CADPS2: variants seen among roughly 807,000 people sequenced by gnomAD.
CADPS2 encodes calcium dependent secretion activator 2, also known as calcium-dependent secretion activator 2.
CADPS2 carries 93 observed loss-of-function variants against 172.5 expected under a neutral mutation model. The observed-to-expected ratio is 0.54, with a 90% CI of 0.46 to 0.64. CADPS2 has a LOEUF of 0.64. CADPS2 is among the 30% of genes least tolerant of loss of function. The probability of loss-of-function intolerance (pLI) is 0.00; values close to 1 mark genes in which losing one functional copy is unlikely to be tolerated. For synonymous variants in CADPS2, 546 were observed against 555.2 expected, an observed-to-expected ratio of 0.98 and a Z score of 0.23; for missense variants, 1,420 against 1,565.9, an observed-to-expected ratio of 0.91 and a Z score of 1.57.
intron 3 of CADPS2, among the ~76,000 whole-genome samples, chr7:122,633,601 GTCTT>G (rs568436554): frequency 5.3e-4 from 81 of 152,262 alleles, no homozygotes; most frequent in African/African-American, 1.8e-3. Flanking sequence ...TTTTGGCAGA[GTCTT>G]TAGGGGTTTT....
intron 20 of CADPS2, among the ~76,000 whole-genome samples, chr7:122,398,780 C>T (rs1215522153): frequency 6.7e-6 from 1 of 149,838 alleles, no homozygotes; most frequent in East Asian, 2.0e-4. Flanking sequence ...GCCCTCCCCA[C>T]CCCTCACCCC....
intron 17 of CADPS2, among the ~76,000 whole-genome samples, chr7:122,427,910 GCTCTAT>G (rs1281030769): frequency 1.3e-5 from 2 of 152,228 alleles, no homozygotes; most frequent in African/African-American, 2.4e-5. Flanking sequence ...TCATGGAATA[GCTCTAT>G]CTCTATCTAG....
rs1041660839 is a variant in CADPS2 at position 122,541,807 on chromosome 7, TTATA to T, written c.1475+12739_1475+12742del. Among the ~76,000 whole-genome samples, 229 of 70,736 alleles carry T rather than the reference TTATA, an allele frequency of 3.2e-3. 2 individuals carry two copies. The highest frequency in any genetic ancestry group is 5.6e-3 in the Middle Eastern group (1 of 178). The allele number at this position is 70,736 out of a possible 152,430, so 46.4% of individuals were successfully genotyped here. On this transcript the variant is annotated intron_variant, in intron 8 of 29. Transcript: ENST00000449022. ...CATATATTTATATATTCATATATAT[TTATA>T]TATTCATATGTTTATATATTCATAT...
chr7:122,788,286 A>G (rs1794515021), intron 1 of CADPS2, among the ~76,000 whole-genome samples: 1 of 152,228 alleles, frequency 6.6e-6, no homozygotes, highest in South Asian at 2.1e-4. Context: ...TATAGTACTC[A>G]GAATGAAGCA....
At chr7:122,468,260 A>C (rs567005633) in intron 14 of CADPS2, among the ~76,000 whole-genome samples, 10 of 152,212 alleles carry the variant, frequency 6.6e-5, no homozygotes, top group Admixed American at 1.3e-4. Flanking sequence ...TGACAGATGT[A>C]AAAATGATCA....
chr7:122,861,938 T>C (rs992203544), intron 1 of CADPS2, among the ~76,000 whole-genome samples: 5 of 152,350 alleles, frequency 3.3e-5, no homozygotes, highest in South Asian at 2.1e-4. Flanking sequence ...GATTTCAACC[T>C]GGAATTCTAT....
At chr7:122,464,635 T>C (rs750912955) in intron 14 of CADPS2, among the ~76,000 whole-genome samples, 18 of 152,142 alleles carry the variant, frequency 1.2e-4, no homozygotes, top group Non-Finnish European at 2.2e-4. Flanking sequence ...GGGTATTTCA[T>C]CTCTTTACAA....
At chr7:122,342,024 C>G (rs1274983910) in intron 28 of CADPS2, among the ~76,000 whole-genome samples, 1 of 152,102 alleles carries the variant, frequency 6.6e-6, no homozygotes, top group Non-Finnish European at 1.5e-5. Context: ...AATGCCTTCA[C>G]ATTTGTCCTA....
intron 2 of CADPS2, among the ~76,000 whole-genome samples, chr7:122,674,796 G>A (rs187262083): frequency 7.4e-4 from 112 of 152,308 alleles, no homozygotes; most frequent in South Asian, 1.9e-3. Context: ...TCAGCAAAAC[G>A]CTGAGAAAAG....
intron 1 of CADPS2, among the ~76,000 whole-genome samples, chr7:122,876,308 A>G (rs1332702819): frequency 6.6e-6 from 1 of 152,246 alleles, no homozygotes; most frequent in Non-Finnish European, 1.5e-5. Context: ...CCACAGAGCA[A>G]GACTTTGTGT....
intron 2 of CADPS2, chr7:122,697,772 C>T (rs763332532): frequency 1.1e-5 from 17 of 1,549,656 alleles, no homozygotes; most frequent in Non-Finnish European, 1.4e-5. Context: ...AATACACTTC[C>T]TCAAAAGTCA....
intron 1 of CADPS2, among the ~76,000 whole-genome samples, chr7:122,777,212 A>G (rs2093911586): frequency 6.6e-6 from 1 of 152,168 alleles, no homozygotes; most frequent in African/African-American, 2.4e-5. Context: ...TAAGTAAAAT[A>G]GCTTATTTCT....
intron 14 of CADPS2, among the ~76,000 whole-genome samples, chr7:122,451,789 T>C (rs2053155016): frequency 6.6e-6 from 1 of 152,090 alleles, no homozygotes; most frequent in Non-Finnish European, 1.5e-5. Context: ...TACCAAACAT[T>C]TGACCAACTA....
At chr7:122,737,182 G>A in intron 1 of CADPS2, 114 bp from the exon 2 acceptor site, 1 of 602,160 alleles carries the variant, frequency 1.7e-6, no homozygotes, top group East Asian at 2.9e-5. Flanking sequence ...TAACTTTATA[G>A]TAAAGAAAAA....
intron 27 of CADPS2, chr7:122,354,170 A>G (rs2151067766): frequency 6.6e-6 from 1 of 152,314 alleles, no homozygotes; most frequent in South Asian, 2.1e-4. Context: ...ATTATTTCCT[A>G]CAATGTAGAT....
intron 4 of CADPS2, among the ~76,000 whole-genome samples, chr7:122,624,814 T>C (rs1177165714): frequency 6.6e-6 from 1 of 152,212 alleles, no homozygotes; most frequent in East Asian, 1.9e-4. Flanking sequence ...TGTGTTCTGC[T>C]CCAAGCCCCT....
intron 2 of CADPS2, among the ~76,000 whole-genome samples, chr7:122,700,252 G>A (rs967473986): frequency 2.6e-5 from 4 of 152,128 alleles, no homozygotes; most frequent in Non-Finnish European, 4.4e-5. Flanking sequence ...GTCACTTTTG[G>A]TTGGAACTCA....
intron 3 of CADPS2, among the ~76,000 whole-genome samples, chr7:122,636,173 G>A (rs1315910097): frequency 6.6e-6 from 1 of 152,116 alleles, no homozygotes; most frequent in African/African-American, 2.4e-5. Flanking sequence ...ACTTGACTGT[G>A]TAAATGTCTT....
intron 2 of CADPS2, among the ~76,000 whole-genome samples, chr7:122,715,775 C>T (rs552896012): frequency 8.6e-5 from 13 of 151,734 alleles, no homozygotes; most frequent in African/African-American, 2.7e-4. Context: ...AAAGTAAAAA[C>T]CCCACATGGT....
Sources: gnomAD v4.1 joint callset for allele counts (sites outside exome capture counted in the v4.1 genomes callset) on GRCh38, gnomAD v4.1.1 for gene constraint, MANE v1.5 for transcripts, NCBI Gene and HGNC (gene_info 2026-07-23, HGNC 2026-07-21) for gene names.